FAH: variants seen among roughly 807,000 people sequenced by gnomAD.
The protein encoded by FAH is fumarylacetoacetase.
A neutral mutation model predicts 55.8 loss-of-function variants in FAH; 47 were observed. The observed-to-expected ratio is 0.84, with a 90% CI of 0.67 to 1.07. The LOEUF (loss-of-function observed/expected upper bound fraction) is 1.07, where lower values mean the gene tolerates loss of function less well. Among genes scored for constraint, FAH ranks in the 50% least tolerant of loss-of-function variants. FAH has a pLI of 0.00. For missense variants in FAH, 495 were observed against 545.9 expected, an observed-to-expected ratio of 0.91 and a Z score of 0.93; for synonymous variants, 199 against 207.7, an observed-to-expected ratio of 0.96 and a Z score of 0.36.
intron 1 of FAH, among the ~76,000 whole-genome samples, chr15:80,155,253 G>C (rs2041088562): frequency 6.6e-6 from 1 of 152,170 alleles, no homozygotes; most frequent in African/African-American, 2.4e-5. Flanking sequence ...ACTGTTCCCA[G>C]GGCCTCAGCA....
chr15:80,179,977 G>C, intron 11 of FAH, 147 bp from the exon 12 acceptor site: 1 of 693,366 alleles, frequency 1.4e-6, no homozygotes, highest in South Asian at 1.5e-5. Flanking sequence ...TTACTATAAG[G>C]GACTGGAGAG....
chr15:80,173,774 C>T (rs1265188068), intron 9 of FAH: 1 of 171,268 alleles, frequency 5.8e-6, no homozygotes, highest in Non-Finnish European at 1.3e-5. Flanking sequence ...TTGGCATTCC[C>T]TCACCCCTTG....
intron 8 of FAH, among the ~76,000 whole-genome samples, 179 bp from the exon 9 acceptor site, chr15:80,172,835 A>G (rs2041252115): frequency 6.6e-6 from 1 of 152,056 alleles, no homozygotes; most frequent in Non-Finnish European, 1.5e-5. Context: ...CCCTCAAAGG[A>G]CCTCTGTCCT....
chr15:80,153,170 A>T, intron 1 of FAH, 35 bp downstream of exon 1: 1 of 1,404,094 alleles, frequency 7.1e-7, no homozygotes, highest in South Asian at 1.2e-5. Flanking sequence ...GGGCGCGGGG[A>T]GGGAGTGGAG....
intron 1 of FAH, among the ~76,000 whole-genome samples, chr15:80,153,844 C>T (rs1567113109): frequency 6.6e-6 from 1 of 152,156 alleles, no homozygotes; most frequent in Non-Finnish European, 1.5e-5. Context: ...AGCAGATTCC[C>T]TTGGATTTGT....
At chr15:80,161,376 G>A (rs1018602698) in intron 4 of FAH, among the ~76,000 whole-genome samples, 15 of 151,046 alleles carry the variant, frequency 9.9e-5, no homozygotes, top group African/African-American at 2.7e-4. Context: ...GGCTCCACCT[G>A]CCCTGTGGAC....
intron 13 of FAH, among the ~76,000 whole-genome samples, chr15:80,183,184 A>G (rs1381599113): frequency 6.6e-6 from 1 of 152,248 alleles, no homozygotes; most frequent in African/African-American, 2.4e-5. Flanking sequence ...AGTTCCTTGG[A>G]TCTGAAGAAG....
intron 9 of FAH, among the ~76,000 whole-genome samples, chr15:80,174,572 C>T (rs28670686): frequency 0.51 from 77,802 of 152,074 alleles, 21,049 homozygotes; most frequent in East Asian, 0.77. Flanking sequence ...GCCATCCAAG[C>T]TGCCTCCCTA....
chr15:80,156,497 G>T (rs1176044888), intron 1 of FAH: 1 of 152,196 alleles, frequency 6.6e-6, no homozygotes, highest in Non-Finnish European at 1.5e-5. Context: ...TCTATGTCAG[G>T]CTGGGAGTTG....
At chr15:80,161,051 G>A (rs984964379) in intron 4 of FAH, among the ~76,000 whole-genome samples, 5 of 152,206 alleles carry the variant, frequency 3.3e-5, no homozygotes, top group African/African-American at 1.2e-4. Flanking sequence ...AACAGCTCCT[G>A]CTGTCCGGGG....
Position 80,160,309 on chromosome 15 carries a change from G to A in FAH, c.315-101G>A, listed in dbSNP as rs1473126951. ...CCAGGCCAGCCAGAAGGTGCCCACTGGAGATTGTGGATAATCTTGGGGATG... is the reference window on the plus strand; with the variant it reads ...CCAGGCCAGCCAGAAGGTGCCCACTAGAGATTGTGGATAATCTTGGGGATG... On this transcript the variant is annotated intron_variant, in intron 3 of 13. Coordinates refer to ENST00000561421, the MANE Select transcript of FAH (RefSeq NM_000137.4). 2.4e-6 allele frequency: 3 copies of A among 1,226,398 alleles called. No homozygotes were observed. In the African/African-American group the frequency reaches 4.4e-5, roughly 18 times the overall value. 76.0% of individuals were successfully genotyped at this position (1,226,398 alleles called of 1,614,324 possible).
chr15:80,183,456 C>T lies in FAH; in HGVS notation c.1180+2297C>T, dbSNP rs541047722. On this transcript the variant is annotated intron_variant, in intron 13 of 13. Coordinates refer to ENST00000561421, the MANE Select transcript of FAH (RefSeq NM_000137.4). The stretch of plus-strand genomic sequence containing the variant: ...TGTGTTACCTTGTGCAAAGGTTCCC[C>T]GCATTGGCGGACGGCTCTGCCCTCA... 3.9e-5 allele frequency among the ~76,000 whole-genome samples: 6 copies of T among 152,346 alleles called. No homozygotes were observed. The South Asian group carries it at 6.2e-4, about 16-fold the overall frequency.
At chr15:80,177,702 G>A (rs2041296344) in intron 11 of FAH, 119 bp downstream of exon 11, 3 of 918,898 alleles carry the variant, frequency 3.3e-6, no homozygotes, top group South Asian at 1.3e-5. Context: ...CAGCCTGTGG[G>A]CCTGGAGCTT....
At chr15:80,176,478 G>C (rs1045899522) in intron 10 of FAH, among the ~76,000 whole-genome samples, 23 of 152,246 alleles carry the variant, frequency 1.5e-4, no homozygotes, top group Non-Finnish European at 3.2e-4. Context: ...GCTCCATGGA[G>C]AAAGAGCTGT....
chr15:80,170,731 G>T (rs73482883), intron 7 of FAH, among the ~76,000 whole-genome samples: 182 of 152,354 alleles, frequency 1.2e-3, no homozygotes, highest in African/African-American at 3.4e-3. Flanking sequence ...GGGGCAGAGA[G>T]CCCAGGTCAC....
intron 5 of FAH, among the ~76,000 whole-genome samples, chr15:80,164,394 A>T (rs1296755149): frequency 6.6e-6 from 1 of 152,188 alleles, no homozygotes; most frequent in Non-Finnish European, 1.5e-5. Context: ...GTTCACTCAA[A>T]TAACCAGGGA....
intron 7 of FAH, 153 bp downstream of exon 7, chr15:80,168,469 C>T: frequency 2.8e-6 from 2 of 708,264 alleles, no homozygotes; most frequent in Middle Eastern, 3.6e-4. Context: ...ATCAGAAGGA[C>T]AGTTGATCCT....
At chr15:80,156,998 T>C (rs2041105537) in intron 1 of FAH, 1 of 152,252 alleles carries the variant, frequency 6.6e-6, no homozygotes, top group Non-Finnish European at 1.5e-5. Flanking sequence ...CCCTGCACAT[T>C]CCCTGAATGG....
chr15:80,158,247 G>A lies in FAH; in HGVS notation c.192+77G>A, dbSNP rs546563060. On this transcript the variant is annotated intron_variant, in intron 2 of 13. Coordinates refer to ENST00000561421, the MANE Select transcript of FAH (RefSeq NM_000137.4). The stretch of plus-strand genomic sequence containing the variant: ...ATGCCAACAAGAGAATGCTCCTTGC[G>A]TTCCATTTCCGATAGAGGTAATGCC... 86 of 1,025,632 alleles carry A rather than the reference G, an allele frequency of 8.4e-5. 1 individual carries two copies. The highest frequency in any genetic ancestry group is 5.9e-4 in the South Asian group (47 of 79,312). 63.5% of individuals were successfully genotyped at this position (1,025,632 alleles called of 1,614,324 possible).
Sources: allele counts gnomAD v4.1 joint callset (sites outside exome capture counted in the v4.1 genomes callset), GRCh38; gene constraint gnomAD v4.1.1; transcripts MANE v1.5; gene names NCBI Gene and HGNC (gene_info 2026-07-23, HGNC 2026-07-21).